TSNAX: variants seen among roughly 807,000 people sequenced by gnomAD.
TSNAX encodes the protein translin-associated protein X.
In TSNAX, 12 loss-of-function variants were observed where a neutral mutation model predicts 33.0. The ratio of observed to expected loss-of-function variants is 0.36; its 90% CI spans 0.23 to 0.59. The LOEUF is 0.59. Among genes scored for constraint, TSNAX ranks in the 20% least tolerant of loss-of-function variants. TSNAX has a pLI of 0.74. For synonymous variants in TSNAX, 110 were observed against 117.2 expected (o/e 0.94, Z 0.40); for missense variants, 267 against 341.3 (o/e 0.78, Z 1.72).
intron 2 of TSNAX, 131 bp from the exon 3 acceptor site, chr1:231,537,082 T>C: frequency 1.8e-6 from 1 of 566,090 alleles, no homozygotes; most frequent in Non-Finnish European, 3.1e-6. Context: ...CCACCTACCG[T>C]GGCCTCCCAA....
At chr1:231,563,640 G>T (rs560899681) in intron 5 of TSNAX, 1 of 149,916 alleles carries the variant, frequency 6.7e-6, no homozygotes, top group African/African-American at 2.5e-5. Flanking sequence ...GTAAAGATGG[G>T]TGTGGATATA....
At chr1:231,528,938 C>G (rs1380346345) in intron 1 of TSNAX, 112 bp downstream of exon 1, 5 of 1,403,224 alleles carry the variant, frequency 3.6e-6, no homozygotes, top group Admixed American at 3.7e-5. Context: ...CCCTTGTAGA[C>G]TCGGGGGCGG....
At chr1:231,560,464 G>T (rs1218230735) in intron 4 of TSNAX, among the ~76,000 whole-genome samples, 25 of 117,972 alleles carry the variant, frequency 2.1e-4, no homozygotes, top group Admixed American at 8.2e-4. Flanking sequence ...CCCCAGGCTG[G>T]AGTGCAATGG....
intron 4 of TSNAX, among the ~76,000 whole-genome samples, chr1:231,543,659 G>T (rs1024334493): frequency 6.6e-6 from 1 of 152,134 alleles, no homozygotes; most frequent in African/African-American, 2.4e-5. Context: ...TTCAGCACTT[G>T]TTTTTTCAGA....
At chr1:231,537,364 A>ACTAG in intron 3 of TSNAX, 37 bp downstream of exon 3, 1 of 1,322,522 alleles carries the variant, frequency 7.6e-7, no homozygotes, top group South Asian at 1.2e-5. Flanking sequence ...ACAGTTTGAT[A>ACTAG]CTAGCTATTA....
Position 231,532,742 on chromosome 1 carries a change from CTAAG to C in TSNAX, c.121+3386_121+3389del, listed in dbSNP as rs77487414. On this transcript the variant is annotated intron_variant, in intron 2 of 5. Coordinates refer to ENST00000366639, the MANE Select transcript of TSNAX (RefSeq NM_005999.3). The stretch of plus-strand genomic sequence containing the variant: ...CTTGTACAGTATTCCCATTGTGAGA[CTAAG>C]TAGTAAAACCCAGTTAATACATACC... 1.4e-3 allele frequency among the ~76,000 whole-genome samples: 207 copies of C among 152,144 alleles called. 5 individuals carry two copies. The East Asian group carries it at 0.035, about 26-fold the overall frequency.
chr1:231,548,457 G>A (rs1660093017), intron 4 of TSNAX, among the ~76,000 whole-genome samples: 1 of 152,210 alleles, frequency 6.6e-6, no homozygotes, highest in African/African-American at 2.4e-5. Context: ...TCAGTGGGAA[G>A]CTAGAGGCAG....
At chr1:231,563,256 T>C (rs538475110) in intron 5 of TSNAX, among the ~76,000 whole-genome samples, 2 of 152,338 alleles carry the variant, frequency 1.3e-5, no homozygotes, top group South Asian at 4.1e-4. Context: ...ATACCGTCTT[T>C]TAATAACAAT....
chr1:231,563,942 C>T (rs953750404), intron 5 of TSNAX, among the ~76,000 whole-genome samples: 1 of 152,110 alleles, frequency 6.6e-6, no homozygotes, highest in African/African-American at 2.4e-5. Flanking sequence ...GAGTGGTACT[C>T]AGCCACCTGA....
At chr1:231,557,779 G>A (rs973967206) in intron 4 of TSNAX, among the ~76,000 whole-genome samples, 3 of 152,084 alleles carry the variant, frequency 2.0e-5, no homozygotes, top group South Asian at 4.1e-4. Flanking sequence ...ACAGAAAATG[G>A]AACACCTTCT....
At chr1:231,550,080 T>A (rs530425886) in intron 4 of TSNAX, among the ~76,000 whole-genome samples, 15 of 152,294 alleles carry the variant, frequency 9.8e-5, no homozygotes, top group Non-Finnish European at 1.8e-4. Context: ...ATGTCACCAG[T>A]CATATTCGAT....
In TSNAX at chr1:231,528,738, G is replaced by A; in HGVS notation, c.-73G>A. 4 of 1,592,864 alleles carry A rather than the reference G, an allele frequency of 2.5e-6. No homozygotes were observed. The South Asian group carries it at 4.4e-5, about 18-fold the overall frequency. ...GCAGGCTGTTTTCCCAGGTTCCCTC[G>A]GCCTGTACCTCGCGCACTCCTCTTG... On this transcript the variant is annotated 5_prime_UTR_variant, in exon 1 of 6. Transcript: ENST00000366639.
In TSNAX at chr1:231,532,131, AACACACACACACACACACAC is replaced by A. The variant is rs745744924; in HGVS notation, c.121+2808_121+2827del. On this transcript the variant is annotated intron_variant, in intron 2 of 5. Transcript: ENST00000366639. ...CGTTAATTAGCTTAATAGTGGTAATAACACACACACACACACACACACACACACACACACACACACACACA... is the reference window on the plus strand; with the variant it reads ...CGTTAATTAGCTTAATAGTGGTAATAACACACACACACACACACACACACA... Among the ~76,000 whole-genome samples the A allele has an allele frequency of 7.0e-4, 60 of 85,176 alleles. 1 individual carries two copies. Among genetic ancestry groups the A allele is most frequent in the African/African-American group, 2.0e-3 (40 of 20,232 alleles). The allele number at this position is 85,176 out of a possible 152,430, so 55.9% of individuals were successfully genotyped here. A position where few individuals can be genotyped will look rare whatever the true frequency, so the allele number is the denominator to read the frequency against.
intron 4 of TSNAX, among the ~76,000 whole-genome samples, chr1:231,543,769 G>T (rs1283624358): frequency 6.6e-6 from 1 of 152,204 alleles, no homozygotes; most frequent in Non-Finnish European, 1.5e-5. Flanking sequence ...AAACAGTTCT[G>T]TGAGGAGTCA....
At position 231,529,294 on chromosome 1, in the gene TSNAX, C is replaced by G. The variant is rs781694916; in HGVS notation, c.56C>G (p.Pro19Arg). Residue 19 changes from proline (P) to arginine (R), a missense_variant, in exon 2 of 6, where the codon CCA (proline) becomes CGA (arginine). Physicochemically the swap from Pro to Arg is moderately radical, Grantham distance 103. This residue lies in a region of TSNAX where 200 missense variants were observed against 214.1 expected (regional missense o/e 0.93). Transcript: ENST00000366639. ...GFRKRKHDNFPHNQRREGKDV... is the reference protein window; with the variant it reads ...GFRKRKHDNFRHNQRREGKDV... Reference sequence around the variant, plus strand: ...AGGAAAAGGAAGCATGACAATTTCCCACATAACCAAAGAAGAGAAGGGAAG... The same window carrying G: ...AGGAAAAGGAAGCATGACAATTTCCGACATAACCAAAGAAGAGAAGGGAAG... 3.7e-6 allele frequency: 6 copies of G among 1,614,020 alleles called. No homozygotes were observed. The highest frequency in any genetic ancestry group is 5.1e-6 in the Non-Finnish European group (6 of 1,180,036).
chr1:231,549,813 C>T (rs1038798386), intron 4 of TSNAX, among the ~76,000 whole-genome samples: 3 of 152,162 alleles, frequency 2.0e-5, no homozygotes, highest in Admixed American at 1.3e-4. Context: ...GCCAAAGGTG[C>T]ACCGATTCCA....
intron 4 of TSNAX, 23 bp downstream of exon 4, chr1:231,542,634 G>T (rs1431955013): frequency 6.2e-7 from 1 of 1,603,656 alleles, no homozygotes; most frequent in African/African-American, 1.3e-5. Context: ...TTGTTTCAGG[G>T]TAATATATAT....
intron 2 of TSNAX, among the ~76,000 whole-genome samples, chr1:231,533,241 G>GGCCTGTGCCACCAT (rs1230878264): frequency 6.6e-6 from 1 of 152,120 alleles, no homozygotes; most frequent in Non-Finnish European, 1.5e-5. Flanking sequence ...TGGGACGACA[G>GGCCTGTGCCACCAT]GCCTGTGCCA....
intron 3 of TSNAX, among the ~76,000 whole-genome samples, chr1:231,540,603 AGAG>A (rs1659514757): frequency 6.6e-6 from 1 of 152,192 alleles, no homozygotes; most frequent in Non-Finnish European, 1.5e-5. Context: ...GTGCACTTGA[AGAG>A]TGTGTATTCT....
Sources: gnomAD v4.1 joint callset for allele counts (sites outside exome capture counted in the v4.1 genomes callset) on GRCh38, gnomAD v4.1.1 for gene constraint, gnomAD v4.1.1 regional missense constraint, MANE v1.5 for transcripts, NCBI Gene and HGNC (gene_info 2026-07-23, HGNC 2026-07-21) for gene names.